The following IFT52 variants were observed in gnomAD, a reference collection of about 807,000 sequenced individuals.
IFT52 encodes the protein intraflagellar transport 52.
IFT52 carries 44 observed loss-of-function variants against 54.4 expected under a neutral mutation model. The ratio of observed to expected loss-of-function variants is 0.81; its 90% CI spans 0.63 to 1.04. The LOEUF is 1.04. Among genes scored for constraint, IFT52 ranks in the 50% least tolerant of loss-of-function variants. The pLI, the probability that IFT52 is intolerant of heterozygous loss-of-function variation, is 0.00. For missense variants in IFT52, 452 were observed against 523.6 expected (o/e 0.86, Z 1.33); for synonymous variants, 181 against 185.3 (o/e 0.98, Z 0.19).
chr20:43,626,651 A>G (rs569491387), intron 10 of IFT52, among the ~76,000 whole-genome samples: 6 of 151,436 alleles, frequency 4.0e-5, no homozygotes, highest in Admixed American at 1.3e-4. Context: ...TTAACAATAG[A>G]TGATGTATGA....
In IFT52 at chr20:43,599,889, C is replaced by T. The variant is rs190681171; in HGVS notation, c.207+3367C>T. Reference sequence around the variant, plus strand: ...GTATTTTCCAACCCTAACAGACCAGCATCCACCTATATTACAGATGCCAAC... The same window carrying T: ...GTATTTTCCAACCCTAACAGACCAGTATCCACCTATATTACAGATGCCAAC... On this transcript the variant is annotated intron_variant, in intron 3 of 13. Coordinates refer to ENST00000373030, the MANE Select transcript of IFT52 (RefSeq NM_016004.5). Among the ~76,000 whole-genome samples the T allele has an allele frequency of 2.2e-3, 331 of 152,272 alleles. 2 individuals carry two copies. The highest frequency in any genetic ancestry group is 7.6e-3 in the African/African-American group (316 of 41,550).
At chr20:43,614,850 G>A (rs1434382478) in intron 7 of IFT52, among the ~76,000 whole-genome samples, 1 of 137,176 alleles carries the variant, frequency 7.3e-6, no homozygotes, top group Non-Finnish European at 1.5e-5. Flanking sequence ...ACTCTGTTGT[G>A]CAGGCTGGAG....
chr20:43,592,495 A>C (rs1981609485), intron 1 of IFT52, among the ~76,000 whole-genome samples: 4 of 151,584 alleles, frequency 2.6e-5, no homozygotes, highest in Admixed American at 2.6e-4. Context: ...AATCTCTTGA[A>C]TCTGGGAGGC....
chr20:43,622,772 G>A (rs56163203), intron 9 of IFT52, among the ~76,000 whole-genome samples: 91,273 of 123,140 alleles, frequency 0.74, 34,465 homozygotes, highest in East Asian at 0.79. Flanking sequence ...TACAAATTGT[G>A]TGTAAATATA....
At chr20:43,636,629 C>G (rs1450338904) in intron 11 of IFT52, among the ~76,000 whole-genome samples, 8 of 152,186 alleles carry the variant, frequency 5.3e-5, no homozygotes, top group Non-Finnish European at 1.2e-4. Flanking sequence ...ACCATTGGTT[C>G]ATACCTACAA....
At chr20:43,595,539 CTCTG>C (rs1212313990) in intron 2 of IFT52, among the ~76,000 whole-genome samples, 1 of 151,368 alleles carries the variant, frequency 6.6e-6, no homozygotes, top group Non-Finnish European at 1.5e-5. Flanking sequence ...CAGAGCGAGA[CTCTG>C]TCTAAAAAAA....
At chr20:43,607,194 CGGCTGGCCGGGCGGGGGGCTG>C (rs1430574575) in intron 6 of IFT52, among the ~76,000 whole-genome samples, 55 of 144,222 alleles carry the variant, frequency 3.8e-4, no homozygotes, top group African/African-American at 1.5e-3. Context: ...CTGGATGGGG[CGGCTGGCCGGGCGGGGGGCTG>C]ACCCCCCCAC....
intron 6 of IFT52, among the ~76,000 whole-genome samples, chr20:43,606,629 C>T (rs564503690): frequency 1.3e-5 from 2 of 151,066 alleles, no homozygotes; most frequent in Non-Finnish European, 2.9e-5. Flanking sequence ...GGGTGTTTCT[C>T]GCAGAGGGGG....
intron 9 of IFT52, among the ~76,000 whole-genome samples, chr20:43,621,316 T>A (rs1235043313): frequency 2.6e-5 from 4 of 152,210 alleles, no homozygotes; most frequent in Non-Finnish European, 5.9e-5. Flanking sequence ...CCTTTAGATT[T>A]AACAGTTCTA....
At chr20:43,596,736 C>CTTTTT (rs59960911) in intron 3 of IFT52, among the ~76,000 whole-genome samples, 34 of 75,912 alleles carry the variant, frequency 4.5e-4, no homozygotes, top group African/African-American at 1.2e-3. Context: ...AGCCACACTT[C>CTTTTT]TTTTTTTTTT....
At chr20:43,612,923 T>C (rs1018784225) in intron 6 of IFT52, among the ~76,000 whole-genome samples, 1 of 152,162 alleles carries the variant, frequency 6.6e-6, no homozygotes, top group Non-Finnish European at 1.5e-5. Flanking sequence ...GAGCTCCATC[T>C]TTGAGTAAAA....
At chr20:43,614,235 T>C (rs1259173912) in intron 7 of IFT52, among the ~76,000 whole-genome samples, 2 of 151,990 alleles carry the variant, frequency 1.3e-5, no homozygotes, top group African/African-American at 4.8e-5. Context: ...GCTACCTGTA[T>C]TATAACTTTT....
At chr20:43,625,689 C>A (rs539797593) in intron 10 of IFT52, among the ~76,000 whole-genome samples, 1 of 152,236 alleles carries the variant, frequency 6.6e-6, no homozygotes, top group East Asian at 1.9e-4. Flanking sequence ...GGAAGAGCAA[C>A]AAGGCCATCG....
intron 6 of IFT52, among the ~76,000 whole-genome samples, chr20:43,612,707 A>T (rs200650169): frequency 2.0e-5 from 3 of 151,348 alleles, no homozygotes; most frequent in Non-Finnish European, 4.4e-5. Flanking sequence ...ACAAAACAAA[A>T]CAAACAAAAA....
At chr20:43,640,487 T>C (rs1216892848) in intron 12 of IFT52, among the ~76,000 whole-genome samples, 1 of 151,902 alleles carries the variant, frequency 6.6e-6, no homozygotes, top group Non-Finnish European at 1.5e-5. Context: ...ATAAAAAAAA[T>C]GCAGGGCATA....
chr20:43,621,917 C>T (rs950681219), intron 9 of IFT52, among the ~76,000 whole-genome samples: 1 of 152,134 alleles, frequency 6.6e-6, no homozygotes, highest in Admixed American at 6.6e-5. Flanking sequence ...TCATAACTGC[C>T]CTGGGAGGCA....
intron 6 of IFT52, among the ~76,000 whole-genome samples, chr20:43,612,214 C>A (rs1323701014): frequency 2.0e-5 from 3 of 152,102 alleles, no homozygotes; most frequent in African/African-American, 7.2e-5. Flanking sequence ...CCATGGACAA[C>A]TGCTTGTTTT....
At chr20:43,604,909 C>A (rs1982735732) in intron 5 of IFT52, 93 bp from the exon 6 acceptor site, 1 of 1,317,856 alleles carries the variant, frequency 7.6e-7, no homozygotes, top group Non-Finnish European at 1.1e-6. Flanking sequence ...AAGCAATCCT[C>A]CCACCTTAGC....
At chr20:43,613,291 G>C (rs1169088312) in intron 6 of IFT52, among the ~76,000 whole-genome samples, 3 of 152,110 alleles carry the variant, frequency 2.0e-5, no homozygotes, top group African/African-American at 7.2e-5. Context: ...TTCAGTTCTT[G>C]GATGAGGCCC....
Sources: allele counts gnomAD v4.1 joint callset (sites outside exome capture counted in the v4.1 genomes callset), GRCh38; gene constraint gnomAD v4.1.1; transcripts MANE v1.5; gene names NCBI Gene and HGNC (gene_info 2026-07-23, HGNC 2026-07-21).